KIRREL3: variants seen among roughly 807,000 people sequenced by gnomAD.
KIRREL3 encodes the protein kirre like nephrin family adhesion molecule 3.
KIRREL3 carries 36 observed loss-of-function variants against 89.7 expected under a neutral mutation model. The observed-to-expected ratio is 0.40, with a 90% CI of 0.31 to 0.53. The LOEUF is 0.53. Among genes scored for constraint, KIRREL3 ranks in the 20% least tolerant of loss-of-function variants. The probability of loss-of-function intolerance (pLI) is 0.49; values close to 1 mark genes in which losing one functional copy is unlikely to be tolerated. For synonymous variants in KIRREL3, 445 were observed against 441.4 expected, an observed-to-expected ratio of 1.01 and a Z score of -0.10; for missense variants, 864 against 1,056.6, an observed-to-expected ratio of 0.82 and a Z score of 2.53.
At chr11:126,800,425 T>C (rs1950994691) in intron 1 of KIRREL3, among the ~76,000 whole-genome samples, 1 of 152,142 alleles carries the variant, frequency 6.6e-6, no homozygotes, top group African/African-American at 2.4e-5. Context: ...GACTGGAGGC[T>C]ACAGAAACGG....
chr11:126,493,763 T>A (rs1376853779), intron 4 of KIRREL3, among the ~76,000 whole-genome samples: 1 of 151,736 alleles, frequency 6.6e-6, no homozygotes, highest in Non-Finnish European at 1.5e-5. Flanking sequence ...TCTTCTACTC[T>A]GCCCCCAGCT....
chr11:126,662,067 T>C (rs966351811), intron 1 of KIRREL3, among the ~76,000 whole-genome samples: 7 of 152,126 alleles, frequency 4.6e-5, no homozygotes, highest in Non-Finnish European at 7.3e-5. Flanking sequence ...GGGAATAAGA[T>C]TGATTTTCCC....
At chr11:126,425,320 T>G (rs1954898670) in intron 16 of KIRREL3, among the ~76,000 whole-genome samples, 1 of 152,184 alleles carries the variant, frequency 6.6e-6, no homozygotes, top group East Asian at 1.9e-4. Flanking sequence ...TGGGTTTATG[T>G]CAGGGCAATG....
intron 1 of KIRREL3, among the ~76,000 whole-genome samples, chr11:126,674,158 G>A (rs1013085600): frequency 6.6e-6 from 1 of 152,212 alleles, no homozygotes; most frequent in Non-Finnish European, 1.5e-5. Context: ...AAGAAGGCAA[G>A]GGCAATTCTT....
At position 126,909,847 on chromosome 11, in the gene KIRREL3, T is replaced by A. The variant is rs1946744034; in HGVS notation, c.55+90608A>T. Among the ~76,000 whole-genome samples, 1 of 152,180 alleles carries A rather than the reference T, an allele frequency of 6.6e-6. No individual in the cohort carries two copies. The highest frequency in any genetic ancestry group is 6.5e-5 in the Admixed American group (1 of 15,284). On this transcript the variant is annotated intron_variant, in intron 1 of 16. Transcript: ENST00000525144. The surrounding 1 kb of genome is among the most constrained non-coding windows in gnomAD (Gnocchi z 4.5). ...TCCCTGGGAGGGTGTTATGCAAGAT[T>A]CAGATATATGGTCTGTGATATGGAT...
Position 126,666,357 on chromosome 11 carries a change from G to A in KIRREL3, c.56-103445C>T, listed in dbSNP as rs1236093311. Among the ~76,000 whole-genome samples the A allele has an allele frequency of 1.3e-5, 2 of 152,110 alleles. No individual in the cohort carries two copies. Among genetic ancestry groups the A allele is most frequent in the Non-Finnish European group, 2.9e-5 (2 of 68,032 alleles). On this transcript the variant is annotated intron_variant, in intron 1 of 16. Transcript: ENST00000525144. The surrounding 1 kb of genome is among the most constrained non-coding windows in gnomAD (Gnocchi z 4.2). ...GAGCATGGAAGTACTTAAGCACCAG[G>A]GAAAGGGGAGAAAGAAAAAGTGGGG...
intron 1 of KIRREL3, among the ~76,000 whole-genome samples, chr11:126,585,545 T>C (rs1941796118): frequency 2.0e-5 from 3 of 152,192 alleles, no homozygotes; most frequent in Admixed American, 1.3e-4. Context: ...GGAATTAACC[T>C]TCACCAGGAT....
At chr11:126,632,981 A>G (rs1190647965) in intron 1 of KIRREL3, among the ~76,000 whole-genome samples, 1 of 151,812 alleles carries the variant, frequency 6.6e-6, no homozygotes, top group African/African-American at 2.4e-5. Flanking sequence ...AGTCCCAGCT[A>G]TTCGGGAGGC....
intron 1 of KIRREL3, among the ~76,000 whole-genome samples, chr11:126,833,930 G>A (rs373844379): frequency 1.3e-5 from 2 of 152,142 alleles, no homozygotes. Context: ...GCAAGTCTAC[G>A]TTTTGTTTCA....
chr11:126,903,858 G>A lies in KIRREL3; in HGVS notation c.55+96597C>T, dbSNP rs917308744. 1.3e-5 allele frequency among the ~76,000 whole-genome samples: 2 copies of A among 152,132 alleles called. No individual in the cohort carries two copies. Among genetic ancestry groups the A allele is most frequent in the African/African-American group, 4.8e-5 (2 of 41,414 alleles). On this transcript the variant is annotated intron_variant, in intron 1 of 16. Transcript: ENST00000525144. This position sits in a 1 kb window ranked among gnomAD's most constrained non-coding sequence, Gnocchi z 4.5. Reference sequence around the variant, plus strand: ...GAAGTTCTATTGCTACCCCCTCTAGGGAGACTGGATTATTTGGGTACCTTG... The same window carrying A: ...GAAGTTCTATTGCTACCCCCTCTAGAGAGACTGGATTATTTGGGTACCTTG...
chr11:126,833,031 G>A (rs558324118), intron 1 of KIRREL3, among the ~76,000 whole-genome samples: 4 of 152,162 alleles, frequency 2.6e-5, no homozygotes, highest in East Asian at 3.9e-4. Flanking sequence ...GAATGTGTCC[G>A]TGTGCGGCTG....
At chr11:126,941,124 C>T (rs1208302444) in intron 1 of KIRREL3, among the ~76,000 whole-genome samples, 1 of 152,144 alleles carries the variant, frequency 6.6e-6, no homozygotes, top group Non-Finnish European at 1.5e-5. Context: ...GTGACAAGAA[C>T]TGGTAATTAT....
chr11:126,564,671 G>C lies in KIRREL3; in HGVS notation c.56-1759C>G, dbSNP rs1042346813. Among the ~76,000 whole-genome samples, 2 of 152,184 alleles carry C rather than the reference G, an allele frequency of 1.3e-5. No homozygotes were observed. Among genetic ancestry groups the C allele is most frequent in the African/African-American group, 4.8e-5 (2 of 41,454 alleles). On this transcript the variant is annotated intron_variant, in intron 1 of 16. Transcript: ENST00000525144. The surrounding 1 kb of genome is among the most constrained non-coding windows in gnomAD (Gnocchi z 7.4). ...CAAGGCCTTGGCCCTTTCTTCAGGG[G>C]CTCCTGCTCTGTCGCAGGCCTCATG...
At chr11:126,517,082 A>C (rs142211893) in intron 4 of KIRREL3, among the ~76,000 whole-genome samples, 2,719 of 151,414 alleles carry the variant, frequency 0.018, 37 homozygotes, top group Middle Eastern at 0.027. Flanking sequence ...AACAAAAAAC[A>C]AACCAAAAAA....
At position 126,432,586 on chromosome 11, in the gene KIRREL3, A is replaced by C. The variant is rs1339181385; in HGVS notation, c.1589-1060T>G. Among the ~76,000 whole-genome samples, 1 of 143,926 alleles carries C rather than the reference A, an allele frequency of 6.9e-6. No individual in the cohort carries two copies. The highest frequency in any genetic ancestry group is 2.6e-5 in the African/African-American group (1 of 38,064). 94.4% of individuals were successfully genotyped at this position (143,926 alleles called of 152,430 possible). ...CTGCTCCCACCCCTCCACTCACCCCACTCCCACCCCGTCCAGCTCCACCCA... is the reference window on the plus strand; with the variant it reads ...CTGCTCCCACCCCTCCACTCACCCCCCTCCCACCCCGTCCAGCTCCACCCA... On this transcript the variant is annotated intron_variant, in intron 13 of 16. Coordinates refer to ENST00000525144, the MANE Select transcript of KIRREL3 (RefSeq NM_032531.4). This position sits in a 1 kb window ranked among gnomAD's most constrained non-coding sequence, Gnocchi z 6.2.
chr11:126,866,598 G>A (rs1260156824), intron 1 of KIRREL3, among the ~76,000 whole-genome samples: 2 of 151,148 alleles, frequency 1.3e-5, no homozygotes, highest in Admixed American at 6.6e-5. Context: ...CTGTTTTCAC[G>A]CCCAAAGGTT....
At position 126,521,253 on chromosome 11, in the gene KIRREL3, C is replaced by A; in HGVS notation, c.433+62G>T. ...CCATGTCTGACCAAAAAAATACCCT[C>A]TTGGAGCTGAGCCCTTGGTGCTTCA... On this transcript the variant is annotated intron_variant, in intron 4 of 16. Transcript: ENST00000525144. This position sits in a 1 kb window ranked among gnomAD's most constrained non-coding sequence, Gnocchi z 4.1. The A allele has an allele frequency of 6.9e-7, 1 of 1,453,518 alleles. No individual in the cohort carries two copies. Among genetic ancestry groups the A allele is most frequent in the Non-Finnish European group, 9.1e-7 (1 of 1,094,494 alleles). The allele number at this position is 1,453,518 out of a possible 1,614,324, so 90.0% of individuals were successfully genotyped here. A position where few individuals can be genotyped will look rare whatever the true frequency, so the allele number is the denominator to read the frequency against.
rs1252741783 is a variant in KIRREL3 at position 126,615,015 on chromosome 11, G to A, written c.56-52103C>T. ...GGACTTGGGGAGAGGCGTGATTTGCGGTCTTCAAGAGGCTGAAAGGCTGTC... is the reference window on the plus strand; with the variant it reads ...GGACTTGGGGAGAGGCGTGATTTGCAGTCTTCAAGAGGCTGAAAGGCTGTC... On this transcript the variant is annotated intron_variant, in intron 1 of 16. Transcript: ENST00000525144. This position sits in a 1 kb window ranked among gnomAD's most constrained non-coding sequence, Gnocchi z 5.4. Among the ~76,000 whole-genome samples the A allele has an allele frequency of 1.3e-5, 2 of 152,090 alleles. No homozygotes were observed. Among genetic ancestry groups the A allele is most frequent in the East Asian group, 1.9e-4 (1 of 5,172 alleles).
Position 126,522,811 on chromosome 11 carries a change from T to C in KIRREL3, c.284-1347A>G, listed in dbSNP as rs1055987190. On this transcript the variant is annotated intron_variant, in intron 3 of 16. Coordinates refer to ENST00000525144, the MANE Select transcript of KIRREL3 (RefSeq NM_032531.4). The surrounding 1 kb of genome is among the most constrained non-coding windows in gnomAD (Gnocchi z 6.0). ...TTTCATCTCTGTCCCGGTTCCCTTC[T>C]CTCCTCAGAGGCTGCCCTCGGCTTC... 2.0e-5 allele frequency among the ~76,000 whole-genome samples: 3 copies of C among 152,116 alleles called. No individual in the cohort carries two copies. The highest frequency in any genetic ancestry group is 2.9e-5 in the Non-Finnish European group (2 of 68,024).
Sources: gnomAD v4.1 joint callset for allele counts (sites outside exome capture counted in the v4.1 genomes callset) on GRCh38, gnomAD v4.1.1 for gene constraint, Gnocchi (gnomAD v3.1) non-coding constraint, MANE v1.5 for transcripts, NCBI Gene and HGNC (gene_info 2026-07-23, HGNC 2026-07-21) for gene names.